The following CDH24 variants were observed in gnomAD, a reference collection of about 807,000 sequenced individuals.
The protein encoded by CDH24 is cadherin-24.
CDH24 carries 61 observed loss-of-function variants against 71.2 expected under a neutral mutation model. The observed-to-expected ratio is 0.86, with a 90% CI of 0.70 to 1.06. The LOEUF is 1.06. CDH24 is among the 50% of genes least tolerant of loss of function. The pLI is 0.00. For synonymous variants in CDH24, 440 were observed against 470.2 expected, an observed-to-expected ratio of 0.94 and a Z score of 0.83; for missense variants, 961 against 1,083.7, an observed-to-expected ratio of 0.89 and a Z score of 1.59.
intron 1 of CDH24, 149 bp from the exon 2 acceptor site, chr14:23,056,006 C>A: frequency 2.3e-6 from 1 of 437,638 alleles, no homozygotes; most frequent in Non-Finnish European, 4.1e-6. Context: ...CTGATCCTTC[C>A]TCCACCCAGG....
intron 8 of CDH24, chr14:23,050,158 G>A (rs1002625509): frequency 8.7e-6 from 5 of 576,814 alleles, no homozygotes; most frequent in Admixed American, 3.4e-5. Context: ...CAAGATATGT[G>A]CGATACACAA....
chr14:23,050,064 A>T, intron 8 of CDH24, 121 bp from the exon 9 acceptor site: 1 of 1,339,738 alleles, frequency 7.5e-7, no homozygotes, highest in Non-Finnish European at 1.0e-6. Context: ...AAACACATGA[A>T]ATATGCATGT....
At chr14:23,053,776 G>A (rs772061618) in intron 6 of CDH24, 27 bp from the exon 7 acceptor site, 3 of 1,574,470 alleles carry the variant, frequency 1.9e-6, no homozygotes, top group Non-Finnish European at 1.7e-6. Context: ...GGGAGAAAAA[G>A]TGAGGCATGT....
intron 9 of CDH24, 24 bp from the exon 10 acceptor site, chr14:23,049,762 T>G: frequency 6.2e-7 from 1 of 1,612,354 alleles, no homozygotes; most frequent in Non-Finnish European, 8.5e-7. Flanking sequence ...GAGAGAGGCC[T>G]TGTATGGAGT....
Position 23,054,990 on chromosome 14 carries a change from A to G in CDH24, c.496+69T>C. On this transcript the variant is annotated intron_variant, in intron 3 of 12. Transcript: ENST00000487137. This position sits in a 1 kb window ranked among gnomAD's most constrained non-coding sequence, Gnocchi z 5.2. ...GGGGGCAGGTTCTGGGGCAGACAACAAGAAGGGAAGGAGAGGTGAGAGAGC... is the reference window on the plus strand; with the variant it reads ...GGGGGCAGGTTCTGGGGCAGACAACGAGAAGGGAAGGAGAGGTGAGAGAGC... 8 of 1,589,920 alleles carry G rather than the reference A, an allele frequency of 5.0e-6. No individual in the cohort carries two copies. The highest frequency in any genetic ancestry group is 6.9e-6 in the Non-Finnish European group (8 of 1,165,014).
Position 23,047,086 on chromosome 14 carries a change from G to A in CDH24, c.*808C>T, listed in dbSNP as rs879812204. On this transcript the variant is annotated 3_prime_UTR_variant, in exon 13 of 13. Coordinates refer to ENST00000487137, the MANE Select transcript of CDH24 (RefSeq NM_144985.4). ...TCCAGCTTTACAAAATAAAGTGTTT[G>A]TTTATTATGAAATTAGAGATGGAGG... The A allele has an allele frequency of 2.0e-5, 3 of 152,220 alleles. No individual in the cohort carries two copies. Among genetic ancestry groups the A allele is most frequent in the Admixed American group, 1.3e-4 (2 of 15,288 alleles). 9.4% of individuals were successfully genotyped at this position (152,220 alleles called of 1,614,324 possible).
chr14:23,054,816 C>A lies in CDH24; in HGVS notation c.547G>T (p.Gly183Trp). 6.2e-7 allele frequency: 1 copy of A among 1,613,946 alleles called. No individual in the cohort carries two copies. Among genetic ancestry groups the A allele is most frequent in the South Asian group, 1.1e-5 (1 of 91,056 alleles). ...TAHDADDPSY[G>W]NSAKLVYTVL... ...GTGTACACCAGCTTGGCACTGTTCC[C>A]ATAGCTGGGGTCATCAGCATCGTGA... Residue 183 changes from glycine (G) to tryptophan (W), a missense_variant, in exon 4 of 13, where the codon GGG (glycine) becomes TGG (tryptophan). Gly to Trp is a radical substitution (Grantham distance 184). This residue lies in a region of CDH24 where 671 missense variants were observed against 810.9 expected (regional missense o/e 0.83). Coordinates refer to ENST00000487137, the MANE Select transcript of CDH24 (RefSeq NM_144985.4). The surrounding 1 kb of genome is among the most constrained non-coding windows in gnomAD (Gnocchi z 5.2).
In CDH24 at chr14:23,049,258, G is replaced by C; in HGVS notation, c.1615C>G (p.Leu539Val). 1 of 1,574,658 alleles carries C rather than the reference G, an allele frequency of 6.4e-7. No individual in the cohort carries two copies. The highest frequency in any genetic ancestry group is 2.3e-5 in the East Asian group (1 of 43,342). The change falls in exon 11 of 13, where the codon CTG (leucine) becomes GTG (valine). Residue 539 changes from leucine to valine, a missense_variant. This residue lies in a region of CDH24 where 671 missense variants were observed against 810.9 expected (regional missense o/e 0.83). Coordinates refer to ENST00000487137, the MANE Select transcript of CDH24 (RefSeq NM_144985.4). Reference sequence around the variant, plus strand: ...GGTGGAGCAGGGCGGGAGGGCAGCAGCAGGCTGGCGGAGCCATCTGTGGGA... The same window carrying C: ...GGTGGAGCAGGGCGGGAGGGCAGCACCAGGCTGGCGGAGCCATCTGTGGGA... ...QDNRDGSASL[L>V]LPSRPAPPRH...
Position 23,054,965 on chromosome 14 carries a change from G to T in CDH24, c.496+94C>A, listed in dbSNP as rs2047115787. 8.8e-6 allele frequency: 14 copies of T among 1,591,918 alleles called. No individual in the cohort carries two copies. Among genetic ancestry groups the T allele is most frequent in the Admixed American group, 8.4e-5 (5 of 59,524 alleles). ...CAGATACGAGGGAGGCTGAATTGAA[G>T]GGGGCAGGTTCTGGGGCAGACAACA... On this transcript the variant is annotated intron_variant, in intron 3 of 12. Coordinates refer to ENST00000487137, the MANE Select transcript of CDH24 (RefSeq NM_144985.4). This position sits in a 1 kb window ranked among gnomAD's most constrained non-coding sequence, Gnocchi z 5.2.
At chr14:23,056,342 C>T (rs2047129714) in intron 1 of CDH24, among the ~76,000 whole-genome samples, 1 of 152,232 alleles carries the variant, frequency 6.6e-6, no homozygotes, top group Non-Finnish European at 1.5e-5. Context: ...GCCCCACTCT[C>T]CAGGCCCTGT....
At chr14:23,053,390 G>A (rs747501624) in intron 7 of CDH24, 106 bp downstream of exon 7, 51 of 1,304,232 alleles carry the variant, frequency 3.9e-5, no homozygotes, top group Non-Finnish European at 5.0e-5. Context: ...GGAGGCTTTT[G>A]CTGGGATATG....
chr14:23,054,488 G>A lies in CDH24; in HGVS notation c.784+18C>T. The A allele has an allele frequency of 6.2e-7, 1 of 1,606,834 alleles. No individual in the cohort carries two copies. The highest frequency in any genetic ancestry group is 8.5e-7 in the Non-Finnish European group (1 of 1,175,534). Reference sequence around the variant, plus strand: ...GGGTGATCAAAGGATGGCTCAGGTGGCAGCAATGGCCCCTTACTCTGTGGG... The same window carrying A: ...GGGTGATCAAAGGATGGCTCAGGTGACAGCAATGGCCCCTTACTCTGTGGG... On this transcript the variant is annotated intron_variant, in intron 5 of 12. Transcript: ENST00000487137. This position sits in a 1 kb window ranked among gnomAD's most constrained non-coding sequence, Gnocchi z 5.2.
At position 23,049,066 on chromosome 14, in the gene CDH24, C is replaced by T. The variant is rs200471169; in HGVS notation, c.1807G>A (p.Ala603Thr). ...ACACAGGTGATGATGGCAAGCAGGG[C>T]GCCGGTGCTGAGCCCAGCAGCTGAG... Reference protein sequence around the residue: ...HLSAAGLSTGALLAIITCVGA... With the variant: ...HLSAAGLSTGTLLAIITCVGA... Residue 603 changes from alanine (A) to threonine (T), a missense_variant, in exon 11 of 13, where the codon GCC (alanine) becomes ACC (threonine). By Grantham distance (58) the Ala-to-Thr change is moderately conservative (BLOSUM62 0). Coordinates refer to ENST00000487137, the MANE Select transcript of CDH24 (RefSeq NM_144985.4). 1.1e-3 allele frequency: 1,716 copies of T among 1,612,778 alleles called. 4 individuals are homozygous for T. Among genetic ancestry groups the T allele is most frequent in the Non-Finnish European group, 1.4e-3 (1,622 of 1,179,916 alleles).
Position 23,048,298 on chromosome 14 carries a change from G to A in CDH24, c.2028C>T (p.Pro676=), listed in dbSNP as rs767105892. The change falls in exon 12 of 13, where the codon CCC becomes CCT. Residue 676 remains proline, a synonymous_variant. Coordinates refer to ENST00000487137, the MANE Select transcript of CDH24 (RefSeq NM_144985.4). ...ACACGTCTCGGCGCGCGGGAGGGCC[G>A]GGCGCCGGGGGGGCCGCCCCGTCCG... is the stretch of plus-strand genomic sequence containing the variant. The part of the protein sequence containing the change: ...QNPDGAAPPA[P]GPPARRDVLP... 3.0e-5 allele frequency: 48 copies of A among 1,595,464 alleles called. No individual in the cohort carries two copies. The highest frequency in any genetic ancestry group is 3.8e-5 in the Non-Finnish European group (45 of 1,173,602).
At position 23,052,409 on chromosome 14, in the gene CDH24, C is replaced by A. The variant is rs904624116; in HGVS notation, c.1363+64G>T. On this transcript the variant is annotated intron_variant, in intron 8 of 12. Coordinates refer to ENST00000487137, the MANE Select transcript of CDH24 (RefSeq NM_144985.4). Reference sequence around the variant, plus strand: ...GGCAGTTAGCACCCTTCTCCACCCCCACACCCAGGGACAGCTCCTCGGCCA... The same window carrying A: ...GGCAGTTAGCACCCTTCTCCACCCCAACACCCAGGGACAGCTCCTCGGCCA... 13 of 1,590,012 alleles carry A rather than the reference C, an allele frequency of 8.2e-6. No homozygotes were observed. The African/African-American group carries it at 1.5e-4, about 18-fold the overall frequency.
rs376464327 is a variant in CDH24 at position 23,054,094 on chromosome 14, G to A, written c.972+47C>T. 63 of 1,519,028 alleles carry A rather than the reference G, an allele frequency of 4.1e-5. No individual in the cohort carries two copies. Among genetic ancestry groups the A allele is most frequent in the African/African-American group, 2.6e-4 (19 of 72,238 alleles). 94.1% of individuals were successfully genotyped at this position (1,519,028 alleles called of 1,614,324 possible). On this transcript the variant is annotated intron_variant, in intron 6 of 12. Coordinates refer to ENST00000487137, the MANE Select transcript of CDH24 (RefSeq NM_144985.4). The surrounding 1 kb of genome is among the most constrained non-coding windows in gnomAD (Gnocchi z 5.2). ...CAGTTAAATATGTGCCCTGTGGGTCGGCAGGAGGCAGGTCTAAGAGAAAGC... is the reference window on the plus strand; with the variant it reads ...CAGTTAAATATGTGCCCTGTGGGTCAGCAGGAGGCAGGTCTAAGAGAAAGC...
In CDH24 at chr14:23,051,960, A is replaced by G; in HGVS notation, c.1363+513T>C. On this transcript the variant is annotated intron_variant, in intron 8 of 12. Coordinates refer to ENST00000487137, the MANE Select transcript of CDH24 (RefSeq NM_144985.4). The surrounding 1 kb of genome is among the most constrained non-coding windows in gnomAD (Gnocchi z 4.4). ...ACTCCTCCCCTTCCTTATGGTGTCC[A>G]CTCCCCTACCTTGGGGGATTCCCAC... is the stretch of plus-strand genomic sequence containing the variant. 1 of 1,495,610 alleles carries G rather than the reference A, an allele frequency of 6.7e-7. No individual in the cohort carries two copies. Among genetic ancestry groups the G allele is most frequent in the Non-Finnish European group, 9.1e-7 (1 of 1,098,730 alleles). The allele number at this position is 1,495,610 out of a possible 1,614,324, so 92.6% of individuals were successfully genotyped here.
rs1249850870 is a variant in CDH24, at chr14:23,055,426, G to C, written c.202-73C>G. On this transcript the variant is annotated intron_variant, in intron 2 of 12. Transcript: ENST00000487137. The surrounding 1 kb of genome is among the most constrained non-coding windows in gnomAD (Gnocchi z 4.1). Reference sequence around the variant, plus strand: ...GGGTTAAAGAGTCTAGGTTTGGGTAGAGCGTTGGGAGTCCTGAGGGACCAA... The same window carrying C: ...GGGTTAAAGAGTCTAGGTTTGGGTACAGCGTTGGGAGTCCTGAGGGACCAA... 1.3e-6 allele frequency: 2 copies of C among 1,583,538 alleles called. No homozygotes were observed. The highest frequency in any genetic ancestry group is 1.7e-6 in the Non-Finnish European group (2 of 1,161,206).
Position 23,054,959 on chromosome 14 carries a change from A to T in CDH24, c.497-93T>A. 6.3e-7 allele frequency: 1 copy of T among 1,592,684 alleles called. No individual in the cohort carries two copies. The highest frequency in any genetic ancestry group is 8.6e-7 in the Non-Finnish European group (1 of 1,166,780). ...GGGATGCAGATACGAGGGAGGCTGA[A>T]TTGAAGGGGGCAGGTTCTGGGGCAG... On this transcript the variant is annotated intron_variant, in intron 3 of 12. Transcript: ENST00000487137. This position sits in a 1 kb window ranked among gnomAD's most constrained non-coding sequence, Gnocchi z 5.2.
Sources: gnomAD v4.1 joint callset for allele counts (sites outside exome capture counted in the v4.1 genomes callset) on GRCh38, gnomAD v4.1.1 for gene constraint, gnomAD v4.1.1 regional missense constraint, Gnocchi (gnomAD v3.1) non-coding constraint, MANE v1.5 for transcripts, NCBI Gene and HGNC (gene_info 2026-07-23, HGNC 2026-07-21) for gene names.